Variants in HTR1F observed in about 807,000 individuals in gnomAD.
HTR1F encodes the protein 5-hydroxytryptamine (serotonin) receptor 1F, G protein-coupled.
HTR1F carries 17 observed loss-of-function variants against 24.0 expected under a neutral mutation model. The observed-to-expected ratio is 0.71, with a 90% CI of 0.48 to 1.06. The LOEUF (loss-of-function observed/expected upper bound fraction) is 1.06, where lower values mean the gene tolerates loss of function less well. Among genes scored for constraint, HTR1F ranks in the 50% least tolerant of loss-of-function variants. HTR1F has a pLI of 0.00. For synonymous variants in HTR1F, 186 were observed against 156.8 expected, an observed-to-expected ratio of 1.19 and a Z score of -1.39; for missense variants, 391 against 427.8, an observed-to-expected ratio of 0.91 and a Z score of 0.76.
chr3:87,935,406 CT>C (rs1008588125), intron 2 of HTR1F, among the ~76,000 whole-genome samples: 6 of 151,958 alleles, frequency 3.9e-5, no homozygotes, highest in African/African-American at 7.2e-5. Context: ...GAGCAGGCAA[CT>C]TTTTTTTCCC....
intron 2 of HTR1F, among the ~76,000 whole-genome samples, chr3:87,937,791 G>T (rs1576059748): frequency 6.6e-6 from 1 of 152,098 alleles, no homozygotes; most frequent in East Asian, 1.9e-4. Context: ...GGGCATGGTG[G>T]TGGGTGCCTG....
chr3:87,965,222 A>C (rs1576097223), intron 2 of HTR1F, among the ~76,000 whole-genome samples: 1 of 152,148 alleles, frequency 6.6e-6, no homozygotes, highest in South Asian at 2.1e-4. Context: ...TTTTTTATAA[A>C]CAGTCATGCC....
At chr3:87,839,635 TAG>T (rs1704758103) in intron 2 of HTR1F, among the ~76,000 whole-genome samples, 1 of 152,164 alleles carries the variant, frequency 6.6e-6, no homozygotes, top group Non-Finnish European at 1.5e-5. Flanking sequence ...ACTTTTATTT[TAG>T]AATCAGGAAG....
chr3:87,941,454 C>T (rs112256474), intron 2 of HTR1F, among the ~76,000 whole-genome samples: 4,878 of 152,190 alleles, frequency 0.032, 239 homozygotes, highest in African/African-American at 0.11. Flanking sequence ...AACCTTGTAG[C>T]CACAGGTAGA....
intron 2 of HTR1F, among the ~76,000 whole-genome samples, chr3:87,907,279 T>G (rs1703687550): frequency 6.6e-6 from 1 of 151,958 alleles, no homozygotes; most frequent in African/African-American, 2.4e-5. Context: ...CCCTGATAAT[T>G]AGTGATGTTG....
chr3:87,800,860 A>G (rs1481302090), intron 1 of HTR1F, among the ~76,000 whole-genome samples: 2 of 152,236 alleles, frequency 1.3e-5, no homozygotes, highest in Admixed American at 6.5e-5. Flanking sequence ...TCATAAAATT[A>G]AAAGACAAAA....
At chr3:87,891,764 T>G (rs1706091670) in intron 2 of HTR1F, among the ~76,000 whole-genome samples, 1 of 152,198 alleles carries the variant, frequency 6.6e-6, no homozygotes, top group Non-Finnish European at 1.5e-5. Context: ...CAAAATCAGC[T>G]CTTTCAGTGT....
At chr3:87,981,664 T>A (rs1705547310) in intron 2 of HTR1F, among the ~76,000 whole-genome samples, 1 of 152,230 alleles carries the variant, frequency 6.6e-6, no homozygotes, top group South Asian at 2.1e-4. Context: ...TCTTTAGGTT[T>A]CAGCAACAGT....
At chr3:87,989,299 T>C (rs1705763943) in intron 2 of HTR1F, among the ~76,000 whole-genome samples, 1 of 152,230 alleles carries the variant, frequency 6.6e-6, no homozygotes, top group Non-Finnish European at 1.5e-5. Flanking sequence ...TGGTGACTTA[T>C]ACAGAAGAAT....
intron 2 of HTR1F, among the ~76,000 whole-genome samples, chr3:87,919,507 G>T (rs181358716): frequency 6.6e-6 from 1 of 151,678 alleles, no homozygotes; most frequent in Non-Finnish European, 1.5e-5. Flanking sequence ...AATCTACAAC[G>T]AACTCAAACA....
In HTR1F at chr3:87,858,682, G is replaced by A. The variant is rs572609544; in HGVS notation, c.-43+36558G>A. On this transcript the variant is annotated intron_variant, in intron 2 of 2. Coordinates refer to ENST00000319595, the MANE Select transcript of HTR1F (RefSeq NM_001322209.2). ...CTCGGTTTTTTTTTTGTTTTACCAT[G>A]GAATCTTTTGTGTAACCTTCTGAAT... 3.3e-5 allele frequency among the ~76,000 whole-genome samples: 5 copies of A among 151,452 alleles called. No individual in the cohort carries two copies. In the East Asian group the frequency reaches 9.7e-4, roughly 29 times the overall value.
intron 2 of HTR1F, among the ~76,000 whole-genome samples, chr3:87,905,946 A>G (rs1412681529): frequency 6.6e-6 from 1 of 152,102 alleles, no homozygotes; most frequent in African/African-American, 2.4e-5. Context: ...AATGAAGGCA[A>G]CTGGGATCAG....
chr3:87,946,783 G>A (rs762423002), intron 2 of HTR1F, among the ~76,000 whole-genome samples: 1 of 151,900 alleles, frequency 6.6e-6, no homozygotes, highest in Non-Finnish European at 1.5e-5. Flanking sequence ...GTGCTACCAC[G>A]CCCAGCTAAT....
intron 2 of HTR1F, among the ~76,000 whole-genome samples, chr3:87,848,269 A>T (rs1265155255): frequency 6.6e-6 from 1 of 151,818 alleles, no homozygotes; most frequent in Admixed American, 6.6e-5. Flanking sequence ...GAGATTACTG[A>T]TGCTGAGCAT....
intron 2 of HTR1F, among the ~76,000 whole-genome samples, chr3:87,989,614 C>T (rs1461721329): frequency 6.6e-6 from 1 of 152,026 alleles, no homozygotes; most frequent in Non-Finnish European, 1.5e-5. Context: ...ACTAAAAGTT[C>T]CTTTAGTCTC....
intron 2 of HTR1F, among the ~76,000 whole-genome samples, chr3:87,967,101 G>C (rs532955699): frequency 4.6e-5 from 7 of 152,214 alleles, no homozygotes; most frequent in South Asian, 2.1e-4. Context: ...AATAGAAATT[G>C]GTTGAATGAC....
chr3:87,861,044 C>T lies in HTR1F; in HGVS notation c.-43+38920C>T, dbSNP rs182750798. On this transcript the variant is annotated intron_variant, in intron 2 of 2. Coordinates refer to ENST00000319595, the MANE Select transcript of HTR1F (RefSeq NM_001322209.2). ...TGGTGGCAGGTGCCTGTAGTCCCAG[C>T]TACACGGGAAGCTGAGGCATGAGAA... is the stretch of plus-strand genomic sequence containing the variant. Among the ~76,000 whole-genome samples the T allele has an allele frequency of 4.6e-5, 7 of 152,222 alleles. No homozygotes were observed. In the South Asian group the frequency reaches 8.3e-4, roughly 18 times the overall value.
At chr3:87,920,536 A>T (rs558817503) in intron 2 of HTR1F, among the ~76,000 whole-genome samples, 1 of 152,170 alleles carries the variant, frequency 6.6e-6, no homozygotes, top group Non-Finnish European at 1.5e-5. Context: ...ATATGGAATA[A>T]ATCATGACAC....
chr3:87,855,706 C>G (rs1344201065), intron 2 of HTR1F, among the ~76,000 whole-genome samples: 1 of 151,910 alleles, frequency 6.6e-6, no homozygotes, highest in East Asian at 1.9e-4. Context: ...CTGGAAAATC[C>G]CAGAAACAAA....
Sources: allele counts gnomAD v4.1 joint callset (sites outside exome capture counted in the v4.1 genomes callset), GRCh38; gene constraint gnomAD v4.1.1; transcripts MANE v1.5; gene names NCBI Gene and HGNC (gene_info 2026-07-23, HGNC 2026-07-21).